NUDCD1: variants seen among roughly 807,000 people sequenced by gnomAD.
NUDCD1 encodes the protein NudC domain containing 1.
NUDCD1 carries 60 observed loss-of-function variants against 67.8 expected under a neutral mutation model. The ratio of observed to expected loss-of-function variants is 0.88; its 90% CI spans 0.72 to 1.10. The LOEUF is 1.10. Ranked by LOEUF, NUDCD1 falls within the 50% of genes least tolerant of loss-of-function variation. The pLI, the probability that NUDCD1 is intolerant of heterozygous loss-of-function variation, is 0.00. For missense variants in NUDCD1, 643 were observed against 695.0 expected (o/e 0.93, Z 0.84); for synonymous variants, 244 against 230.8 (o/e 1.06, Z -0.52).
At chr8:109,287,407 C>A (rs943823992) in intron 5 of NUDCD1, among the ~76,000 whole-genome samples, 3 of 152,086 alleles carry the variant, frequency 2.0e-5, no homozygotes, top group Admixed American at 6.6e-5. Context: ...CAACAGTGGA[C>A]TGAATAAAAA....
chr8:109,327,264 T>C (rs1339240491), intron 1 of NUDCD1, among the ~76,000 whole-genome samples: 3 of 152,214 alleles, frequency 2.0e-5, no homozygotes, highest in Non-Finnish European at 4.4e-5. Context: ...AATTATTTTA[T>C]GCAATACTTC....
In NUDCD1 at chr8:109,243,293, G is replaced by A; in HGVS notation, c.1468C>T (p.Gln490Ter). The A allele has an allele frequency of 6.4e-7, 1 of 1,573,274 alleles. No individual in the cohort carries two copies. Among genetic ancestry groups the A allele is most frequent in the Non-Finnish European group, 8.7e-7 (1 of 1,154,218 alleles). The change falls in exon 10 of 10, where the codon CAA becomes TAA. Residue 490 changes from glutamine (Q) to a stop codon, truncating the protein, a stop_gained. Coordinates refer to ENST00000239690, the MANE Select transcript of NUDCD1 (RefSeq NM_032869.4). LOFTEE classifies it high-confidence loss of function. Reference sequence around the variant, plus strand: ...AATTTTTTGTCTCTCTTTGATGCTTGGACATAGCCTGCCAAGAATATGAGA... The same window carrying A: ...AATTTTTTGTCTCTCTTTGATGCTTAGACATAGCCTGCCAAGAATATGAGA... ...IATFNALGYV[Q>*]ASKRDKKFFA...
intron 2 of NUDCD1, among the ~76,000 whole-genome samples, chr8:109,309,877 CA>C (rs367764822): frequency 3.8e-4 from 57 of 149,394 alleles, no homozygotes; most frequent in East Asian, 3.0e-3. Context: ...AAAAAAAAAA[CA>C]AAACAAACAA....
rs184020641 is a variant in NUDCD1, at chr8:109,242,826, C to A, written c.*183G>T. ...AAGCCAATGTTCTCTAAATCTGCAG[C>A]TTCATTCCACAGCTTTACAGAATCA... On this transcript the variant is annotated 3_prime_UTR_variant, in exon 10 of 10. Coordinates refer to ENST00000239690, the MANE Select transcript of NUDCD1 (RefSeq NM_032869.4). 386 of 374,864 alleles carry A rather than the reference C, an allele frequency of 1.0e-3. 1 individual carries two copies. Among genetic ancestry groups the A allele is most frequent in the Non-Finnish European group, 1.2e-3 (259 of 210,242 alleles). 23.2% of individuals were successfully genotyped at this position (374,864 alleles called of 1,614,324 possible).
At chr8:109,258,154 T>C (rs760701886) in intron 8 of NUDCD1, among the ~76,000 whole-genome samples, 15 of 152,182 alleles carry the variant, frequency 9.9e-5, no homozygotes, top group Non-Finnish European at 1.9e-4. Flanking sequence ...TTTATCATCA[T>C]AGTTTATTAT....
intron 1 of NUDCD1, among the ~76,000 whole-genome samples, chr8:109,332,270 G>GT (rs1815822024): frequency 6.6e-6 from 1 of 152,186 alleles, no homozygotes; most frequent in African/African-American, 2.4e-5. Context: ...GGCTACTAGA[G>GT]TTCAGGTAAG....
intron 1 of NUDCD1, among the ~76,000 whole-genome samples, chr8:109,330,572 T>A (rs993036133): frequency 1.3e-5 from 2 of 152,240 alleles, no homozygotes; most frequent in African/African-American, 4.8e-5. Context: ...AAGCCTCCTA[T>A]CTGCTGTGTG....
chr8:109,253,293 A>G (rs1488440207), intron 8 of NUDCD1, among the ~76,000 whole-genome samples: 1 of 152,200 alleles, frequency 6.6e-6, no homozygotes, highest in East Asian at 1.9e-4. Flanking sequence ...AAACCATAAG[A>G]TGTAGAAAGG....
intron 1 of NUDCD1, among the ~76,000 whole-genome samples, chr8:109,326,917 T>C (rs1479301099): frequency 6.6e-6 from 1 of 152,154 alleles, no homozygotes; most frequent in Non-Finnish European, 1.5e-5. Context: ...TTACTGTTTC[T>C]TGGCTTCTCA....
chr8:109,310,057 C>T (rs1441121497), intron 2 of NUDCD1, among the ~76,000 whole-genome samples: 2 of 152,056 alleles, frequency 1.3e-5, no homozygotes, highest in Non-Finnish European at 2.9e-5. Context: ...CTGCCAAAAA[C>T]AATCTACAAA....
intron 3 of NUDCD1, among the ~76,000 whole-genome samples, chr8:109,296,058 A>G (rs1814834712): frequency 6.6e-6 from 1 of 152,120 alleles, no homozygotes; most frequent in Non-Finnish European, 1.5e-5. Context: ...TCATCCTAAC[A>G]TAAGCTTTTG....
At chr8:109,274,873 G>A (rs1307887426) in intron 7 of NUDCD1, among the ~76,000 whole-genome samples, 1 of 152,042 alleles carries the variant, frequency 6.6e-6, no homozygotes, top group Non-Finnish European at 1.5e-5. Context: ...TCAACCTCAT[G>A]ATTAAGTATT....
intron 2 of NUDCD1, among the ~76,000 whole-genome samples, chr8:109,317,904 T>C (rs1160340550): frequency 2.6e-5 from 4 of 152,182 alleles, no homozygotes; most frequent in African/African-American, 9.6e-5. Flanking sequence ...CTGTACCCTT[T>C]TTGTCAGCTA....
At chr8:109,277,978 C>T (rs944717339) in intron 6 of NUDCD1, among the ~76,000 whole-genome samples, 1 of 152,186 alleles carries the variant, frequency 6.6e-6, no homozygotes, top group African/African-American at 2.4e-5. Context: ...CCTTTTACAA[C>T]TTCAAACTTT....
At chr8:109,333,819 T>C (rs934329055) in intron 1 of NUDCD1, 74 bp downstream of exon 1, 6 of 1,493,732 alleles carry the variant, frequency 4.0e-6, no homozygotes, top group African/African-American at 2.8e-5. Context: ...AAGAAAGAAA[T>C]TGCGGGAAGG....
intron 1 of NUDCD1, among the ~76,000 whole-genome samples, chr8:109,328,146 C>A (rs118059361): frequency 6.6e-6 from 1 of 152,120 alleles, no homozygotes; most frequent in Non-Finnish European, 1.5e-5. Context: ...ACAAAGGACA[C>A]TTATGAGATT....
intron 1 of NUDCD1, among the ~76,000 whole-genome samples, chr8:109,324,505 T>A (rs1441578206): frequency 1.3e-5 from 2 of 152,056 alleles, no homozygotes; most frequent in Non-Finnish European, 2.9e-5. Context: ...AAGAGGTTTC[T>A]CAAAAAACTA....
chr8:109,284,648 T>C (rs1440797909), intron 5 of NUDCD1, among the ~76,000 whole-genome samples: 1 of 151,878 alleles, frequency 6.6e-6, no homozygotes, highest in Non-Finnish European at 1.5e-5. Flanking sequence ...CACAGTATCA[T>C]GGAAATTATC....
At chr8:109,302,127 A>G (rs1815004147) in intron 2 of NUDCD1, among the ~76,000 whole-genome samples, 2 of 152,026 alleles carry the variant, frequency 1.3e-5, no homozygotes, top group South Asian at 4.2e-4. Context: ...AAAAACTTAA[A>G]ATCTCTTCAA....
Sources: allele counts gnomAD v4.1 joint callset (sites outside exome capture counted in the v4.1 genomes callset), GRCh38; gene constraint gnomAD v4.1.1; transcripts MANE v1.5; gene names NCBI Gene and HGNC (gene_info 2026-07-23, HGNC 2026-07-21).